TTLL11: variants seen among roughly 807,000 people sequenced by gnomAD.
TTLL11 encodes the protein tubulin tyrosine ligase like 11.
Under a neutral mutation model 51.7 loss-of-function variants are expected in TTLL11, and 42 were observed. That is an observed-to-expected ratio of 0.81 (90% CI 0.64 to 1.05). The LOEUF is 1.05. TTLL11 is among the 50% of genes least tolerant of loss of function. TTLL11 has a pLI of 0.00. For missense variants in TTLL11, 799 were observed against 940.4 expected (o/e 0.85, Z 1.97); for synonymous variants, 381 against 383.5 (o/e 0.99, Z 0.08).
chr9:121,826,716 C>T (rs548807735), intron 8 of TTLL11, among the ~76,000 whole-genome samples: 3 of 151,734 alleles, frequency 2.0e-5, no homozygotes, highest in East Asian at 1.9e-4. Context: ...AGGATGGAAA[C>T]GGTAGAACCT....
intron 6 of TTLL11, among the ~76,000 whole-genome samples, chr9:121,898,398 G>A (rs35526801): frequency 2.0e-5 from 3 of 152,272 alleles, no homozygotes; most frequent in Non-Finnish European, 4.4e-5. Flanking sequence ...GGGGGCTTCA[G>A]GCAGATGGGG....
intron 3 of TTLL11, among the ~76,000 whole-genome samples, chr9:122,001,371 C>T (rs1843460306): frequency 6.6e-6 from 1 of 152,178 alleles, no homozygotes; most frequent in Non-Finnish European, 1.5e-5. Context: ...GTTGGGATTA[C>T]AGGCTTCCAG....
At chr9:121,990,904 TCCTCGCCC>T (rs1183787949) in intron 3 of TTLL11, among the ~76,000 whole-genome samples, 2 of 152,150 alleles carry the variant, frequency 1.3e-5, no homozygotes, top group Non-Finnish European at 2.9e-5. Flanking sequence ...GCATAATTCA[TCCTCGCCC>T]CATTGCCCCT....
intron 8 of TTLL11, among the ~76,000 whole-genome samples, chr9:121,829,481 C>T (rs745562311): frequency 2.0e-5 from 3 of 151,496 alleles, no homozygotes; most frequent in Non-Finnish European, 4.4e-5. Flanking sequence ...AGCAATTTGG[C>T]GAAAGTTTTA....
At position 121,947,178 on chromosome 9, in the gene TTLL11, A is replaced by C. The variant is rs537492993; in HGVS notation, c.1481+26831T>G. 2.0e-5 allele frequency among the ~76,000 whole-genome samples: 3 copies of C among 152,228 alleles called. No individual in the cohort carries two copies. In the East Asian group the frequency reaches 5.8e-4, roughly 29 times the overall value. ...CTCAAGCTGTCCATAAATATTCAGG[A>C]GTCTTTTGAGCTGGTTGTTAAAAAC... On this transcript the variant is annotated intron_variant, in intron 6 of 8. Coordinates refer to ENST00000321582, the MANE Select transcript of TTLL11 (RefSeq NM_001139442.2).
chr9:121,929,824 G>C (rs1840900699), intron 6 of TTLL11, among the ~76,000 whole-genome samples: 1 of 152,202 alleles, frequency 6.6e-6, no homozygotes. Context: ...TTGCTCCTTT[G>C]GGTGTTTGTA....
At chr9:122,011,811 G>C (rs1342328061) in intron 3 of TTLL11, among the ~76,000 whole-genome samples, 1 of 152,106 alleles carries the variant, frequency 6.6e-6, no homozygotes, top group African/African-American at 2.4e-5. Flanking sequence ...AGAAAAAGAA[G>C]GGATCCTTAG....
At chr9:121,893,348 A>G (rs1244956309) in intron 6 of TTLL11, among the ~76,000 whole-genome samples, 1 of 130,716 alleles carries the variant, frequency 7.7e-6, no homozygotes, top group Admixed American at 7.8e-5. Context: ...CCATGCATGC[A>G]TATGTGTGTG....
chr9:121,969,663 G>C (rs1005326625), intron 6 of TTLL11, among the ~76,000 whole-genome samples: 4 of 152,206 alleles, frequency 2.6e-5, no homozygotes, highest in African/African-American at 9.7e-5. Flanking sequence ...GAGTTGAAGG[G>C]AAAGGCTGGG....
chr9:121,923,661 C>G (rs575163855), intron 6 of TTLL11, among the ~76,000 whole-genome samples: 6 of 152,052 alleles, frequency 3.9e-5, no homozygotes, highest in African/African-American at 7.2e-5. Context: ...GAGTAAGTGG[C>G]TTGCTCTGCT....
chr9:121,895,707 TTGTGTGACTG>T (rs1839464937), intron 6 of TTLL11, among the ~76,000 whole-genome samples: 1 of 144,842 alleles, frequency 6.9e-6, no homozygotes, highest in Non-Finnish European at 1.5e-5. Flanking sequence ...TTGTGTGGGT[TTGTGTGACTG>T]TGTGTGATTG....
chr9:121,891,231 G>C (rs963776082), intron 6 of TTLL11, among the ~76,000 whole-genome samples: 1 of 152,176 alleles, frequency 6.6e-6, no homozygotes, highest in African/African-American at 2.4e-5. Context: ...GCACATCATA[G>C]CTGCACAGAA....
rs530116203 is a variant in TTLL11, at chr9:121,821,395, C to T, written c.*1192G>A. On this transcript the variant is annotated 3_prime_UTR_variant, in exon 9 of 9. Transcript: ENST00000321582. The surrounding 1 kb of genome is among the most constrained non-coding windows in gnomAD (Gnocchi z 5.0). The stretch of plus-strand genomic sequence containing the variant: ...ACTTTCCTGCACCTCGCTTGGAGCA[C>T]GATGACTGACTCTTCCCAGGTTCCT... Among the ~76,000 whole-genome samples, 6 of 152,260 alleles carry T rather than the reference C, an allele frequency of 3.9e-5. No individual in the cohort carries two copies. The East Asian group carries it at 1.2e-3, about 29-fold the overall frequency.
At chr9:121,982,020 T>C (rs1842839996) in intron 4 of TTLL11, among the ~76,000 whole-genome samples, 1 of 152,222 alleles carries the variant, frequency 6.6e-6, no homozygotes, top group African/African-American at 2.4e-5. Context: ...CTCAGCTTTC[T>C]GGAGCTCTTT....
intron 7 of TTLL11, among the ~76,000 whole-genome samples, chr9:121,865,155 A>G (rs1433681306): frequency 6.6e-6 from 1 of 152,208 alleles, no homozygotes; most frequent in Non-Finnish European, 1.5e-5. Context: ...GAGATTATCA[A>G]AGTCACTGAG....
intron 4 of TTLL11, among the ~76,000 whole-genome samples, chr9:121,976,869 G>A (rs191683488): frequency 6.6e-6 from 1 of 152,324 alleles, no homozygotes; most frequent in East Asian, 1.9e-4. Context: ...AATAATACAT[G>A]ACAAGTGGAT....
At chr9:121,999,488 C>A (rs1428046407) in intron 3 of TTLL11, among the ~76,000 whole-genome samples, 2 of 152,168 alleles carry the variant, frequency 1.3e-5, no homozygotes, top group Admixed American at 1.3e-4. Flanking sequence ...ACATCACTCA[C>A]CCCCACCCAG....
chr9:122,073,134 G>A lies in TTLL11; in HGVS notation c.462+19553C>T, dbSNP rs114490510. Reference sequence around the variant, plus strand: ...AATTTAAAATCTGGTGGGAGGCCAGGGGTGGTGGCTCACACCTATAATCCC... The same window carrying A: ...AATTTAAAATCTGGTGGGAGGCCAGAGGTGGTGGCTCACACCTATAATCCC... On this transcript the variant is annotated intron_variant, in intron 1 of 8. Transcript: ENST00000321582. Among the ~76,000 whole-genome samples the A allele has an allele frequency of 4.3e-3, 660 of 152,298 alleles. 2 individuals are homozygous for A. Among genetic ancestry groups the A allele is most frequent in the African/African-American group, 0.015 (617 of 41,558 alleles).
At chr9:122,020,398 G>A (rs1844134664) in intron 3 of TTLL11, among the ~76,000 whole-genome samples, 2 of 152,088 alleles carry the variant, frequency 1.3e-5, no homozygotes, top group African/African-American at 4.8e-5. Context: ...GAACATTTCT[G>A]TACCTTATAC....
Sources: allele counts gnomAD v4.1 joint callset (sites outside exome capture counted in the v4.1 genomes callset), GRCh38; gene constraint gnomAD v4.1.1; non-coding constraint Gnocchi (gnomAD v3.1); transcripts MANE v1.5; gene names NCBI Gene and HGNC (gene_info 2026-07-23, HGNC 2026-07-21).